UQCR11: variants seen among roughly 807,000 people sequenced by gnomAD.
UQCR11 encodes cytochrome b-c1 complex subunit 10.
Under a neutral mutation model 7.6 loss-of-function variants are expected in UQCR11, and 10 were observed. The observed-to-expected ratio is 1.31, with a 90% confidence interval of 0.81 to 2.22. The LOEUF (loss-of-function observed/expected upper bound fraction) is 2.22. UQCR11 is among the 30% of genes most tolerant of loss of function. The pLI is 0.00. For missense variants in UQCR11, 86 were observed against 75.1 expected (o/e 1.15, Z -0.54); for synonymous variants, 34 against 34.9 (o/e 0.97, Z 0.09).
chr19:1,600,892 G>A (rs2060745442), intron 1 of UQCR11, among the ~76,000 whole-genome samples: 1 of 152,202 alleles, frequency 6.6e-6, no homozygotes. Flanking sequence ...AAAGAGGCTG[G>A]GCGTGGTGGC....
At chr19:1,603,428 C>A (rs917638105) in intron 1 of UQCR11, among the ~76,000 whole-genome samples, 7 of 152,094 alleles carry the variant, frequency 4.6e-5, no homozygotes, top group Admixed American at 6.5e-5. Flanking sequence ...CGGTGAAACC[C>A]CATCTCCACT....
chr19:1,599,862 C>T (rs1188152263), intron 1 of UQCR11, among the ~76,000 whole-genome samples: 2 of 152,256 alleles, frequency 1.3e-5, no homozygotes, highest in Non-Finnish European at 2.9e-5. Context: ...ATGATGGGTC[C>T]GGTCTGCTGC....
intron 1 of UQCR11, chr19:1,602,385 C>T (rs969655623): frequency 2.6e-5 from 4 of 152,190 alleles, no homozygotes; most frequent in Non-Finnish European, 5.9e-5. Flanking sequence ...CAGATGCCAC[C>T]AACAGGGCAG....
At chr19:1,603,322 GC>G (rs2060752519) in intron 1 of UQCR11, among the ~76,000 whole-genome samples, 1 of 152,214 alleles carries the variant, frequency 6.6e-6, no homozygotes, top group African/African-American at 2.4e-5. Context: ...TAAATGTTGG[GC>G]TGGGCGCAGT....
Position 1,605,462 on chromosome 19 carries a change from T to C in UQCR11, c.-53A>G. On this transcript the variant is annotated 5_prime_UTR_variant, in exon 1 of 3. Transcript: ENST00000591899. Reference sequence around the variant, plus strand: ...CCCTGTCCAGCTGACCCGGCTACACTGCGCAGGCGCGGCCGCGGCGCGCAC... The same window carrying C: ...CCCTGTCCAGCTGACCCGGCTACACCGCGCAGGCGCGGCCGCGGCGCGCAC... 2 of 1,078,366 alleles carry C rather than the reference T, an allele frequency of 1.9e-6. No homozygotes were observed. The highest frequency in any genetic ancestry group is 2.3e-6 in the Non-Finnish European group (2 of 855,730). 66.8% of individuals were successfully genotyped at this position (1,078,366 alleles called of 1,614,324 possible).
chr19:1,599,391 C>A, intron 2 of UQCR11, 21 bp downstream of exon 2: 2 of 1,608,494 alleles, frequency 1.2e-6, no homozygotes, highest in Non-Finnish European at 1.7e-6. Context: ...AGTCCACCCA[C>A]CGCAGCCCAC....
intron 1 of UQCR11, among the ~76,000 whole-genome samples, chr19:1,604,243 C>G (rs2060755387): frequency 6.6e-6 from 1 of 152,160 alleles, no homozygotes. Flanking sequence ...CTGCGCCCAG[C>G]AGCTCTAAAT....
intron 1 of UQCR11, among the ~76,000 whole-genome samples, chr19:1,601,878 C>T (rs756545833): frequency 3.3e-5 from 5 of 152,028 alleles, no homozygotes; most frequent in Admixed American, 6.6e-5. Flanking sequence ...AATCCAATTC[C>T]GGGCGGGGTG....
chr19:1,599,231 A>G (rs2060739929), intron 2 of UQCR11, 181 bp downstream of exon 2: 2 of 713,108 alleles, frequency 2.8e-6, no homozygotes, highest in Non-Finnish European at 4.5e-6. Flanking sequence ...CGGGGCGGAC[A>G]GTTCTGTGCC....
At chr19:1,605,270 C>T (rs2060758678) in intron 1 of UQCR11, 90 bp downstream of exon 1, 3 of 1,403,414 alleles carry the variant, frequency 2.1e-6, no homozygotes, top group South Asian at 1.4e-5. Context: ...CCCGGCCCGG[C>T]CCCCGGAAAC....
At position 1,597,770 on chromosome 19, in the gene UQCR11, T is replaced by C. The variant is rs370070622; in HGVS notation, c.*474A>G. Reference sequence around the variant, plus strand: ...AGACTCTGGGCCACAACCACCCAGATACATCACTCCCAAATCCCCGACTGA... The same window carrying C: ...AGACTCTGGGCCACAACCACCCAGACACATCACTCCCAAATCCCCGACTGA... On this transcript the variant is annotated 3_prime_UTR_variant, in exon 3 of 3. Transcript: ENST00000591899. 1 of 152,370 alleles carries C rather than the reference T, an allele frequency of 6.6e-6. No homozygotes were observed. The highest frequency in any genetic ancestry group is 1.9e-4 in the East Asian group (1 of 5,182). The allele number at this position is 152,370 out of a possible 1,614,324, so 9.4% of individuals were successfully genotyped here. A position where few individuals can be genotyped will look rare whatever the true frequency, so the allele number is the denominator to read the frequency against.
chr19:1,604,620 C>A (rs563601062), intron 1 of UQCR11, among the ~76,000 whole-genome samples: 1 of 152,212 alleles, frequency 6.6e-6, no homozygotes, highest in East Asian at 1.9e-4. Context: ...CTCCTCCTCC[C>A]GGGTTCAAGC....
chr19:1,605,381 T>C lies in UQCR11; in HGVS notation c.29A>G (p.Tyr10Cys). 6.3e-7 allele frequency: 1 copy of C among 1,577,572 alleles called. No homozygotes were observed. The highest frequency in any genetic ancestry group is 8.6e-7 in the Non-Finnish European group (1 of 1,166,854). The change falls in exon 1 of 3, where the codon TAC (tyrosine) becomes TGC (cysteine). Residue 10 changes from tyrosine to cysteine, a missense_variant. Physicochemically the swap from Tyr to Cys is radical, Grantham distance 194. Transcript: ENST00000591899. ...TCACCAGTTCTTGACCAGCTCCCGG[T>C]AGCGTGGGCCCAGGAACCGGGTCAC... Reference protein sequence around the residue: MVTRFLGPRYRELVKNWVPT... With the variant: MVTRFLGPRCRELVKNWVPT...
Position 1,605,375 on chromosome 19 carries a change from T to A in UQCR11, c.35A>T (p.Glu12Val). The A allele has an allele frequency of 6.3e-7, 1 of 1,580,042 alleles. No homozygotes were observed. Among genetic ancestry groups the A allele is most frequent in the South Asian group, 1.1e-5 (1 of 87,296 alleles). ...VTRFLGPRYR[E>V]LVKNWVPTAY... ...GCGTCCTCACCAGTTCTTGACCAGC[T>A]CCCGGTAGCGTGGGCCCAGGAACCG... Residue 12 changes from glutamate (E) to valine (V), a missense_variant, in exon 1 of 3, where the codon GAG (glutamate) becomes GTG (valine). Glu to Val is a moderately radical substitution (Grantham distance 121, BLOSUM62 -2). Transcript: ENST00000591899.
intron 1 of UQCR11, 119 bp downstream of exon 1, chr19:1,605,241 A>G: frequency 8.1e-7 from 1 of 1,235,180 alleles, no homozygotes; most frequent in Non-Finnish European, 1.1e-6. Context: ...ACCGGGAACA[A>G]CAAGGGACCT....
chr19:1,602,302 C>G (rs1488106711), intron 1 of UQCR11: 1 of 152,226 alleles, frequency 6.6e-6, no homozygotes, highest in African/African-American at 2.4e-5. Context: ...ACCAGAGACT[C>G]TCCAAGTGTA....
chr19:1,601,598 T>G (rs1599357136), intron 1 of UQCR11, among the ~76,000 whole-genome samples: 1 of 76,334 alleles, frequency 1.3e-5, no homozygotes, highest in Non-Finnish European at 2.5e-5. Flanking sequence ...AGACACCGTC[T>G]CAAAAAAAAA....
At chr19:1,599,276 C>T (rs1216751517) in intron 2 of UQCR11, 136 bp downstream of exon 2, 1 of 1,205,038 alleles carries the variant, frequency 8.3e-7, no homozygotes, top group Non-Finnish European at 1.2e-6. Flanking sequence ...GCACCCAGGG[C>T]CCCACTCTCG....
intron 1 of UQCR11, chr19:1,602,256 T>C (rs1355877787): frequency 2.0e-5 from 3 of 152,134 alleles, no homozygotes; most frequent in African/African-American, 7.2e-5. Flanking sequence ...TGGAGGCGGA[T>C]GAAGAAACCC....
Sources: allele counts gnomAD v4.1 joint callset (sites outside exome capture counted in the v4.1 genomes callset), GRCh38; gene constraint gnomAD v4.1.1; transcripts MANE v1.5; gene names NCBI Gene and HGNC (gene_info 2026-07-23, HGNC 2026-07-21).